Variants in PCDHGA11 observed in about 807,000 individuals in gnomAD.
PCDHGA11 encodes protocadherin gamma-A11.
In PCDHGA11, 39 loss-of-function variants were observed where a neutral mutation model predicts 60.4. That is an observed-to-expected ratio of 0.65 (90% CI 0.50 to 0.84). The LOEUF (loss-of-function observed/expected upper bound fraction) is 0.84. PCDHGA11 is among the 40% of genes least tolerant of loss of function. The pLI is 0.00. For synonymous variants in PCDHGA11, 533 were observed against 510.3 expected, an observed-to-expected ratio of 1.04 and a Z score of -0.60; for missense variants, 1,165 against 1,197.7, an observed-to-expected ratio of 0.97 and a Z score of 0.40.
chr5:141,449,681 G>A (rs2098651836), intron 1 of PCDHGA11, among the ~76,000 whole-genome samples: 1 of 149,394 alleles, frequency 6.7e-6, no homozygotes, highest in Non-Finnish European at 1.5e-5. Context: ...ATGTATATAT[G>A]TTTGTGTGTA....
chr5:141,428,015 A>G, intron 1 of PCDHGA11: 5 of 1,604,042 alleles, frequency 3.1e-6, no homozygotes, highest in Non-Finnish European at 3.4e-6. Flanking sequence ...ATATAGTGCC[A>G]CGCGCCGCAG....
intron 1 of PCDHGA11, among the ~76,000 whole-genome samples, chr5:141,458,065 GA>G (rs541812590): frequency 3.5e-3 from 534 of 152,242 alleles, no homozygotes; most frequent in Middle Eastern, 6.8e-3. Context: ...GCACTGATGC[GA>G]ACAACTATAT....
At chr5:141,475,600 T>A (rs1023916159) in intron 1 of PCDHGA11, among the ~76,000 whole-genome samples, 2 of 152,192 alleles carry the variant, frequency 1.3e-5, no homozygotes, top group Admixed American at 1.3e-4. Context: ...TTCCAGACAA[T>A]GTTGTGTAGT....
chr5:141,477,536 G>T lies in PCDHGA11; in HGVS notation c.2434-17271G>T. 1.2e-6 allele frequency: 2 copies of T among 1,614,076 alleles called. No homozygotes were observed. Among genetic ancestry groups the T allele is most frequent in the Non-Finnish European group, 1.7e-6 (2 of 1,180,018 alleles). ...CATTGAAGAAAACAACCTCCCCGGG[G>T]CTCCAATACTAAACCTAAGTGTCTG... On this transcript the variant is annotated intron_variant, in intron 1 of 3. Coordinates refer to ENST00000398587, the MANE Select transcript of PCDHGA11 (RefSeq NM_018914.3). The surrounding 1 kb of genome is among the most constrained non-coding windows in gnomAD (Gnocchi z 4.9).
intron 1 of PCDHGA11, among the ~76,000 whole-genome samples, chr5:141,466,776 C>T (rs2099129231): frequency 6.6e-6 from 1 of 152,104 alleles, no homozygotes; most frequent in African/African-American, 2.4e-5. Flanking sequence ...TTATCTTATT[C>T]TTCTTAGTGC....
chr5:141,454,281 A>C (rs1048947689), intron 1 of PCDHGA11, among the ~76,000 whole-genome samples: 2 of 152,242 alleles, frequency 1.3e-5, no homozygotes, highest in African/African-American at 4.8e-5. Context: ...AAAACTTCAC[A>C]TTAAAGGAAC....
intron 1 of PCDHGA11, among the ~76,000 whole-genome samples, chr5:141,468,830 C>T (rs561511870): frequency 2.0e-5 from 3 of 152,170 alleles, no homozygotes; most frequent in East Asian, 1.9e-4. Flanking sequence ...CAAGCCACTG[C>T]ACTCCAGCCT....
chr5:141,449,154 A>G (rs2098630387), intron 1 of PCDHGA11, among the ~76,000 whole-genome samples: 1 of 152,180 alleles, frequency 6.6e-6, no homozygotes, highest in African/African-American at 2.4e-5. Flanking sequence ...TGGGTCAAAG[A>G]GGAAATAGGT....
At position 141,422,371 on chromosome 5, in the gene PCDHGA11, C is replaced by T. The variant is rs866886181; in HGVS notation, c.1144C>T (p.Gln382Ter). 1 of 1,567,212 alleles carries T rather than the reference C, an allele frequency of 6.4e-7. No homozygotes were observed. Among genetic ancestry groups the T allele is most frequent in the South Asian group, 1.2e-5 (1 of 81,378 alleles). Residue 382 changes from glutamine to a stop codon, truncating the protein, a stop_gained, in exon 1 of 4, where the codon CAA (glutamine) becomes TAA (stop). Coordinates refer to ENST00000398587, the MANE Select transcript of PCDHGA11 (RefSeq NM_018914.3). LOFTEE classifies it high-confidence loss of function. ...AGATCAAGATTCTGGAGAAAATGGT[C>T]AAGTCTCCTGTTTTATTCCTAACCA... ...VQDQDSGENG[Q>*]VSCFIPNHLP...
Position 141,491,504 on chromosome 5 carries a change from G to T in PCDHGA11, c.2434-3303G>T. 6.2e-7 allele frequency: 1 copy of T among 1,614,048 alleles called. No homozygotes were observed. The highest frequency in any genetic ancestry group is 2.2e-5 in the East Asian group (1 of 44,876). Reference sequence around the variant, plus strand: ...CCCAACCTGCAGGTGAGCTCGGACGGCACGCTCAAGTACATGGAGGTGACG... The same window carrying T: ...CCCAACCTGCAGGTGAGCTCGGACGTCACGCTCAAGTACATGGAGGTGACG... On this transcript the variant is annotated intron_variant, in intron 1 of 3. Transcript: ENST00000398587. The surrounding 1 kb of genome is among the most constrained non-coding windows in gnomAD (Gnocchi z 6.9).
chr5:141,486,138 C>T lies in PCDHGA11; in HGVS notation c.2434-8669C>T. On this transcript the variant is annotated intron_variant, in intron 1 of 3. Transcript: ENST00000398587. This position sits in a 1 kb window ranked among gnomAD's most constrained non-coding sequence, Gnocchi z 5.0. ...AATTACTATGAATTTGATGTGCGGG[C>T]TCGCGATGGGGGTTCTCCAGCCATG... The T allele has an allele frequency of 6.2e-7, 1 of 1,614,212 alleles. No individual in the cohort carries two copies. The highest frequency in any genetic ancestry group is 1.3e-5 in the African/African-American group (1 of 75,052).
chr5:141,432,874 G>A lies in PCDHGA11; in HGVS notation c.2433+9214G>A, dbSNP rs2097545539. 2 of 1,614,176 alleles carry A rather than the reference G, an allele frequency of 1.2e-6. No homozygotes were observed. The highest frequency in any genetic ancestry group is 1.7e-6 in the Non-Finnish European group (2 of 1,180,014). Reference sequence around the variant, plus strand: ...TGGCCGCGGTCTCCTGCGTCTTCCTGGCCTTCGTCATCTTGCTGCTGGCGC... The same window carrying A: ...TGGCCGCGGTCTCCTGCGTCTTCCTAGCCTTCGTCATCTTGCTGCTGGCGC... On this transcript the variant is annotated intron_variant, in intron 1 of 3. Transcript: ENST00000398587. This position sits in a 1 kb window ranked among gnomAD's most constrained non-coding sequence, Gnocchi z 6.0.
In PCDHGA11 at chr5:141,491,652, G is replaced by A. The variant is rs370043428; in HGVS notation, c.2434-3155G>A. ...AGCAGCCCACAGCTCTGGCGCTGGAGCCTGACGCCATCCGGTCCCGCTCTA... is the reference window on the plus strand; with the variant it reads ...AGCAGCCCACAGCTCTGGCGCTGGAACCTGACGCCATCCGGTCCCGCTCTA... On this transcript the variant is annotated intron_variant, in intron 1 of 3. Transcript: ENST00000398587. This position sits in a 1 kb window ranked among gnomAD's most constrained non-coding sequence, Gnocchi z 6.9. 2 of 1,613,726 alleles carry A rather than the reference G, an allele frequency of 1.2e-6. No homozygotes were observed. Among genetic ancestry groups the A allele is most frequent in the African/African-American group, 1.3e-5 (1 of 74,944 alleles).
intron 1 of PCDHGA11, chr5:141,427,818 G>T: frequency 6.5e-7 from 1 of 1,530,644 alleles, no homozygotes; most frequent in Non-Finnish European, 9.0e-7. Flanking sequence ...GAGCGGGGTG[G>T]TGGTCGCGCA....
At chr5:141,505,123 C>T (rs1320836386) in intron 2 of PCDHGA11, among the ~76,000 whole-genome samples, 1 of 152,192 alleles carries the variant, frequency 6.6e-6, no homozygotes, top group African/African-American at 2.4e-5. Flanking sequence ...GATCGCGCCA[C>T]TGCACTCCAG....
intron 1 of PCDHGA11, chr5:141,478,778 C>A: frequency 6.7e-7 from 1 of 1,488,178 alleles, no homozygotes; most frequent in Non-Finnish European, 8.9e-7. Flanking sequence ...ATCTGTGGAC[C>A]TAATTCACAT....
chr5:141,439,364 G>A (rs1561894836), intron 1 of PCDHGA11, among the ~76,000 whole-genome samples: 2 of 152,142 alleles, frequency 1.3e-5, no homozygotes, highest in Admixed American at 1.3e-4. Context: ...CAAACATCAA[G>A]AAGAAATAAA....
rs780436102 is a variant in PCDHGA11 at position 141,431,846 on chromosome 5, G to T, written c.2433+8186G>T. On this transcript the variant is annotated intron_variant, in intron 1 of 3. Coordinates refer to ENST00000398587, the MANE Select transcript of PCDHGA11 (RefSeq NM_018914.3). The surrounding 1 kb of genome is among the most constrained non-coding windows in gnomAD (Gnocchi z 4.8). ...CTCGGTTCCCGAAAACTCTCCCAGA[G>T]GGACATTAATTGCCCTTTTAAATGT... 4 of 1,614,274 alleles carry T rather than the reference G, an allele frequency of 2.5e-6. No homozygotes were observed. The South Asian group carries it at 4.4e-5, about 18-fold the overall frequency.
intron 1 of PCDHGA11, chr5:141,428,805 C>G (rs1468764398): frequency 6.6e-6 from 1 of 152,108 alleles, no homozygotes; most frequent in African/African-American, 2.4e-5. Flanking sequence ...GGGCCAGTAA[C>G]TTCATTATTA....
Sources: gnomAD v4.1 joint callset for allele counts (sites outside exome capture counted in the v4.1 genomes callset) on GRCh38, gnomAD v4.1.1 for gene constraint, Gnocchi (gnomAD v3.1) non-coding constraint, MANE v1.5 for transcripts, NCBI Gene and HGNC (gene_info 2026-07-23, HGNC 2026-07-21) for gene names.